Variants in FGFR2 observed in about 807,000 individuals in gnomAD.
FGFR2 encodes fibroblast growth factor receptor 2, also known as BEK fibroblast growth factor receptor.
FGFR2 carries 19 observed loss-of-function variants against 95.9 expected under a neutral mutation model. The ratio of observed to expected loss-of-function variants is 0.20; its 90% CI spans 0.14 to 0.29. The LOEUF (loss-of-function observed/expected upper bound fraction) is 0.29. Ranked by LOEUF, FGFR2 falls within the 10% of genes least tolerant of loss-of-function variation. FGFR2 has a pLI of 1.00. For missense variants in FGFR2, 707 were observed against 1,056.9 expected (o/e 0.67, Z 4.59); for synonymous variants, 392 against 393.3 (o/e 1.00, Z 0.04).
At chr10:121,554,597 T>C (rs1042304265) in intron 4 of FGFR2, among the ~76,000 whole-genome samples, 1 of 151,108 alleles carries the variant, frequency 6.6e-6, no homozygotes, top group African/African-American at 2.4e-5. Flanking sequence ...GGTCTGGATC[T>C]CCTGACCTCA....
Position 121,572,516 on chromosome 10 carries a change from G to A in FGFR2, c.110-6812C>T, listed in dbSNP as rs183438913. Among the ~76,000 whole-genome samples, 76 of 152,278 alleles carry A rather than the reference G, an allele frequency of 5.0e-4. No homozygotes were observed. In the East Asian group the frequency reaches 0.013, roughly 26 times the overall value. On this transcript the variant is annotated intron_variant, in intron 2 of 17. Coordinates refer to ENST00000358487, the MANE Select transcript of FGFR2 (RefSeq NM_000141.5). ...TGCCTGTAATCCCAGCTATTTGGGA[G>A]GCTGAGGCAGAGGAGAATCGTTTAA... is the stretch of plus-strand genomic sequence containing the variant.
intron 8 of FGFR2, 114 bp from the exon 9 acceptor site, chr10:121,515,433 G>A: frequency 9.6e-7 from 1 of 1,045,578 alleles, no homozygotes. Flanking sequence ...CATTCTCAAG[G>A]CAAGGTGGGC....
rs920931622 is a variant in FGFR2, at chr10:121,478,858, T to C, written c.*999A>G. ...TTCTGCTATCATTTCAACTAAGGTC[T>C]GTCCTCAAGGAATGGATTAAGGCAT... is the stretch of plus-strand genomic sequence containing the variant. On this transcript the variant is annotated 3_prime_UTR_variant, in exon 18 of 18. Transcript: ENST00000358487. 29 of 233,518 alleles carry C rather than the reference T, an allele frequency of 1.2e-4. No homozygotes were observed. Among genetic ancestry groups the C allele is most frequent in the African/African-American group, 6.4e-4 (29 of 45,362 alleles). The allele number at this position is 233,518 out of a possible 1,614,324, so 14.5% of individuals were successfully genotyped here.
chr10:121,481,639 C>T (rs1844700790), intron 17 of FGFR2, among the ~76,000 whole-genome samples: 1 of 152,014 alleles, frequency 6.6e-6, no homozygotes, highest in Non-Finnish European at 1.5e-5. Context: ...TAATGATTTT[C>T]AGAAGGAAAG....
chr10:121,580,317 T>G (rs1860637496), intron 2 of FGFR2, among the ~76,000 whole-genome samples: 1 of 151,920 alleles, frequency 6.6e-6, no homozygotes, highest in Non-Finnish European at 1.5e-5. Context: ...TCCTTCAGAG[T>G]CTGCAGATGT....
In FGFR2 at chr10:121,496,862, G is replaced by A. The variant is rs1265815288; in HGVS notation, c.1673-140C>T. On this transcript the variant is annotated intron_variant, in intron 12 of 17. Transcript: ENST00000358487. ...TTAACATACAGCGGCTGGGCGTGGT[G>A]CCTCATATCTGTAATCCCAGCCCTT... The A allele has an allele frequency of 6.7e-6, 5 of 746,026 alleles. No individual in the cohort carries two copies. In the East Asian group the frequency reaches 1.1e-4, roughly 16 times the overall value. 46.2% of individuals were successfully genotyped at this position (746,026 alleles called of 1,614,324 possible).
intron 7 of FGFR2, 147 bp downstream of exon 7, chr10:121,519,832 T>C: frequency 1.4e-6 from 1 of 703,238 alleles, no homozygotes. Flanking sequence ...AGTGTAATGA[T>C]CTGTTAATTC....
At chr10:121,548,951 A>C (rs1854973284) in intron 5 of FGFR2, among the ~76,000 whole-genome samples, 1 of 152,056 alleles carries the variant, frequency 6.6e-6, no homozygotes, top group South Asian at 2.1e-4. Flanking sequence ...TGGTCTAAGG[A>C]CTGAACTAAG....
At chr10:121,596,120 GA>G (rs1863396470) in intron 1 of FGFR2, among the ~76,000 whole-genome samples, 1 of 152,220 alleles carries the variant, frequency 6.6e-6, no homozygotes, top group South Asian at 2.1e-4. Flanking sequence ...CCTGGAGTCT[GA>G]GCCCCAGTGA....
intron 5 of FGFR2, among the ~76,000 whole-genome samples, chr10:121,548,977 C>T (rs1854976393): frequency 1.3e-5 from 2 of 152,126 alleles, no homozygotes; most frequent in African/African-American, 4.8e-5. Context: ...AAGGACAAAT[C>T]ACCCCCTGCC....
At chr10:121,487,535 G>GTCAGTCAA (rs1845578537) in intron 14 of FGFR2, 111 bp from the exon 15 acceptor site, 1 of 824,100 alleles carries the variant, frequency 1.2e-6, no homozygotes, top group Non-Finnish European at 2.0e-6. Context: ...GTTTTTACTA[G>GTCAGTCAA]TCAGTCAATA....
At chr10:121,509,189 T>C (rs1848694270) in intron 9 of FGFR2, among the ~76,000 whole-genome samples, 1 of 152,226 alleles carries the variant, frequency 6.6e-6, no homozygotes. Context: ...ACATATTCTC[T>C]TGTTAGTGAT....
intron 9 of FGFR2, among the ~76,000 whole-genome samples, chr10:121,507,751 G>GA (rs1387709007): frequency 2.0e-5 from 3 of 152,104 alleles, no homozygotes; most frequent in Non-Finnish European, 4.4e-5. Context: ...AGTCCCTTTA[G>GA]AATCATTTGC....
intron 2 of FGFR2, among the ~76,000 whole-genome samples, chr10:121,571,646 AC>A (rs142893069): frequency 0.19 from 28,058 of 149,894 alleles, 2,743 homozygotes; most frequent in Non-Finnish European, 0.22. Context: ...AAACAAACAA[AC>A]AAACAAAAAC....
intron 6 of FGFR2, among the ~76,000 whole-genome samples, chr10:121,535,245 T>C (rs542764234): frequency 1.3e-5 from 2 of 152,340 alleles, no homozygotes; most frequent in Non-Finnish European, 2.9e-5. Flanking sequence ...TAGATTTCTT[T>C]TGTTTTAAGC....
chr10:121,525,380 G>A (rs554558632), intron 6 of FGFR2, among the ~76,000 whole-genome samples: 2 of 152,128 alleles, frequency 1.3e-5, no homozygotes, highest in Non-Finnish European at 2.9e-5. Flanking sequence ...AAATAAACGC[G>A]TAGTAAACAC....
rs1450344637 is a variant in FGFR2 at position 121,518,465 on chromosome 10, T to C, written c.940-1002A>G. 6.6e-6 allele frequency among the ~76,000 whole-genome samples: 1 copy of C among 152,162 alleles called. No homozygotes were observed. The highest frequency in any genetic ancestry group is 1.5e-5 in the Non-Finnish European group (1 of 68,028). ...CTGGGTGGGGGTGGAGGCTAATCTC[T>C]AGAAGAAATTGGAGCAAGCACTTTG... On this transcript the variant is annotated intron_variant, in intron 7 of 17. Coordinates refer to ENST00000358487, the MANE Select transcript of FGFR2 (RefSeq NM_000141.5). The surrounding 1 kb of genome is among the most constrained non-coding windows in gnomAD (Gnocchi z 4.0).
rs147987917 is a variant in FGFR2, at chr10:121,551,346, G to A, written c.568C>T (p.Arg190Trp). 3.4e-5 allele frequency: 55 copies of A among 1,614,168 alleles called. No homozygotes were observed. The African/African-American group carries it at 5.6e-4, about 16-fold the overall frequency. The stretch of plus-strand genomic sequence containing the variant: ...AACTCCTTCCCGTTTTTCAGCCACC[G>A]CATGGTTGGCATTGGGTTCCCCCCG... ...PAGGNPMPTM[R>W]WLKNGKEFKQ... Residue 190 changes from arginine to tryptophan, a missense_variant, in exon 5 of 18, where the codon CGG becomes TGG. Arg to Trp is a moderately radical substitution (Grantham distance 101). Transcript: ENST00000358487.
intron 9 of FGFR2, among the ~76,000 whole-genome samples, chr10:121,514,409 G>A (rs1014344581): frequency 6.6e-5 from 10 of 152,048 alleles, no homozygotes; most frequent in African/African-American, 2.4e-4. Flanking sequence ...AACCAATCAG[G>A]AGGCACACAC....
Sources: gnomAD v4.1 joint callset for allele counts (sites outside exome capture counted in the v4.1 genomes callset) on GRCh38, gnomAD v4.1.1 for gene constraint, Gnocchi (gnomAD v3.1) non-coding constraint, MANE v1.5 for transcripts, NCBI Gene and HGNC (gene_info 2026-07-23, HGNC 2026-07-21) for gene names.